Variants in SGTB observed in about 807,000 individuals in gnomAD.
SGTB encodes small glutamine-rich tetratricopeptide repeat-containing protein beta.
In SGTB, 19 loss-of-function variants were observed where a neutral mutation model predicts 43.9. The observed-to-expected ratio is 0.43, with a 90% CI of 0.30 to 0.63. The LOEUF (loss-of-function observed/expected upper bound fraction) is 0.63. SGTB is among the 30% of genes least tolerant of loss of function. The pLI is 0.12. For missense variants in SGTB, 304 were observed against 358.9 expected, an observed-to-expected ratio of 0.85 and a Z score of 1.24; for synonymous variants, 116 against 117.3, an observed-to-expected ratio of 0.99 and a Z score of 0.07.
At chr5:65,720,131 G>A (rs1758233294) in intron 2 of SGTB, among the ~76,000 whole-genome samples, 1 of 148,776 alleles carries the variant, frequency 6.7e-6, no homozygotes, top group South Asian at 2.1e-4. Context: ...GCCCAGGCTG[G>A]AGTGCAGTGG....
intron 3 of SGTB, among the ~76,000 whole-genome samples, chr5:65,710,100 T>C (rs144793280): frequency 5.8e-4 from 88 of 152,308 alleles, no homozygotes; most frequent in African/African-American, 2.0e-3. Flanking sequence ...AAGCATAAAA[T>C]ATTGGAATAA....
chr5:65,681,982 A>C (rs950771821), intron 6 of SGTB, among the ~76,000 whole-genome samples: 1 of 152,114 alleles, frequency 6.6e-6, no homozygotes, highest in Non-Finnish European at 1.5e-5. Context: ...TCTCAAAAAA[A>C]AAAAAAGATA....
rs372785253 is a variant in SGTB, at chr5:65,703,963, G to A, written c.374+316C>T. Among the ~76,000 whole-genome samples, 10 of 145,374 alleles carry A rather than the reference G, an allele frequency of 6.9e-5. No individual in the cohort carries two copies. In the South Asian group the frequency reaches 8.8e-4, roughly 13 times the overall value. On this transcript the variant is annotated intron_variant, in intron 5 of 10. Transcript: ENST00000381007. ...TGAGGCAGGAGAAGGGCGTGAACCC[G>A]GGAAGCGGAGCTTGCAGTGAGCCGA...
At chr5:65,697,214 A>G (rs1381852182) in intron 5 of SGTB, among the ~76,000 whole-genome samples, 1 of 152,202 alleles carries the variant, frequency 6.6e-6, no homozygotes, top group Admixed American at 6.5e-5. Context: ...ATTATTTAAT[A>G]TTAAATAGCA....
intron 2 of SGTB, among the ~76,000 whole-genome samples, chr5:65,717,963 G>A (rs1758182751): frequency 6.6e-6 from 1 of 152,132 alleles, no homozygotes; most frequent in African/African-American, 2.4e-5. Flanking sequence ...TATCAACCAT[G>A]GAATTTAAGA....
At position 65,685,539 on chromosome 5, in the gene SGTB, CTAA is replaced by C; in HGVS notation, c.375-70_375-68del. ...AGGCACTAATTTAGATTTTCAGGTA[CTAA>C]TAATACTACCTTTTTCTTGTTCCAA... On this transcript the variant is annotated intron_variant, in intron 5 of 10. Transcript: ENST00000381007. 4 of 1,267,560 alleles carry C rather than the reference CTAA, an allele frequency of 3.2e-6. 1 individual carries two copies. The South Asian group carries it at 5.0e-5, about 16-fold the overall frequency. 78.5% of individuals were successfully genotyped at this position (1,267,560 alleles called of 1,614,324 possible).
chr5:65,702,717 T>C (rs371339813), intron 5 of SGTB, among the ~76,000 whole-genome samples: 7 of 152,108 alleles, frequency 4.6e-5, no homozygotes, highest in East Asian at 1.9e-4. Context: ...ACATTGGAGA[T>C]TGGGTGTAAA....
At chr5:65,707,042 C>T (rs146429571) in intron 4 of SGTB, among the ~76,000 whole-genome samples, 1,782 of 151,944 alleles carry the variant, frequency 0.012, 37 homozygotes, top group African/African-American at 0.042. Context: ...GGGCGGATCA[C>T]ATGAGGTCAG....
intron 5 of SGTB, among the ~76,000 whole-genome samples, chr5:65,694,665 CAG>C (rs1757684744): frequency 6.6e-6 from 1 of 151,938 alleles, no homozygotes; most frequent in African/African-American, 2.4e-5. Context: ...TTAGTGGAGA[CAG>C]GGGTTTCACC....
At chr5:65,703,792 C>T (rs912807046) in intron 5 of SGTB, among the ~76,000 whole-genome samples, 10 of 151,738 alleles carry the variant, frequency 6.6e-5, no homozygotes, top group Non-Finnish European at 1.0e-4. Flanking sequence ...AATCCCAGCA[C>T]TTTGGGAGGC....
intron 5 of SGTB, 117 bp downstream of exon 5, chr5:65,704,162 C>T: frequency 1.5e-6 from 1 of 667,856 alleles, no homozygotes; most frequent in African/African-American, 1.9e-5. Context: ...TTTCTTCCTT[C>T]TTTATATTTT....
upstream of SGTB, chr5:65,722,313 C>G (rs969613337): frequency 2.8e-6 from 4 of 1,427,414 alleles, no homozygotes; most frequent in African/African-American, 4.5e-5. Flanking sequence ...CGCTGCCGCC[C>G]GCCTCGCCGC....
rs374189863 is a variant in SGTB, at chr5:65,687,812, AGGCTGGACTGCAGT to A, written c.375-2354_375-2341del. 4.3e-3 allele frequency among the ~76,000 whole-genome samples: 659 copies of A among 152,326 alleles called. 5 individuals carry two copies. Among genetic ancestry groups the A allele is most frequent in the African/African-American group, 0.015 (638 of 41,566 alleles). On this transcript the variant is annotated intron_variant, in intron 5 of 10. Transcript: ENST00000381007. Reference sequence around the variant, plus strand: ...GAGACGGAGTCTTGCTTTGTCGCCCAGGCTGGACTGCAGTGGCGCGATCTCGGCTCACTGCAACC... The same window carrying A: ...GAGACGGAGTCTTGCTTTGTCGCCCAGGCGCGATCTCGGCTCACTGCAACC...
intron 5 of SGTB, among the ~76,000 whole-genome samples, chr5:65,688,724 A>C (rs1427429098): frequency 1.3e-5 from 2 of 152,204 alleles, no homozygotes; most frequent in East Asian, 3.8e-4. Flanking sequence ...TACCTAGCAA[A>C]AGTTTTCAAA....
intron 1 of SGTB, 94 bp downstream of exon 1, chr5:65,721,823 T>A (rs1758292705): frequency 2.6e-5 from 4 of 152,372 alleles, no homozygotes; most frequent in Admixed American, 2.6e-4. Context: ...GTACCCGGCC[T>A]CGCCTCGGCC....
At chr5:65,699,983 G>A (rs529564483) in intron 5 of SGTB, among the ~76,000 whole-genome samples, 97 of 152,330 alleles carry the variant, frequency 6.4e-4, no homozygotes, top group African/African-American at 2.3e-3. Context: ...CTAGTGCATA[G>A]CAGGTATTTG....
intron 2 of SGTB, among the ~76,000 whole-genome samples, chr5:65,719,731 G>A (rs1481307465): frequency 2.0e-5 from 3 of 152,162 alleles, no homozygotes; most frequent in African/African-American, 7.2e-5. Flanking sequence ...TAAACATGAA[G>A]AACAAAGACG....
intron 5 of SGTB, among the ~76,000 whole-genome samples, chr5:65,701,632 T>A (rs1421472362): frequency 1.6e-4 from 10 of 62,364 alleles, no homozygotes; most frequent in South Asian, 4.0e-4. Flanking sequence ...TAAATTAAAT[T>A]TTTTTTTTTT....
chr5:65,720,751 A>C lies in SGTB; in HGVS notation c.57T>G (p.Ser19Arg). The C allele has an allele frequency of 6.2e-7, 1 of 1,614,026 alleles. No homozygotes were observed. The highest frequency in any genetic ancestry group is 1.7e-4 in the Middle Eastern group (1 of 6,058). ...YAVIRFLREQ[S>R]QMDTYTSDEQ... The stretch of plus-strand genomic sequence containing the variant: ...CATCCGAGGTGTAAGTGTCCATCTG[A>C]CTTTGTTCCCGTAAGAAACGAATAA... Residue 19 changes from serine (S) to arginine (R), a missense_variant, in exon 2 of 11, where the codon AGT becomes AGG. Coordinates refer to ENST00000381007, the MANE Select transcript of SGTB (RefSeq NM_019072.3).
Sources: allele counts gnomAD v4.1 joint callset (sites outside exome capture counted in the v4.1 genomes callset), GRCh38; gene constraint gnomAD v4.1.1; transcripts MANE v1.5; gene names NCBI Gene and HGNC (gene_info 2026-07-23, HGNC 2026-07-21).